Variants in CAMTA1 observed in about 807,000 individuals in gnomAD.
The protein encoded by CAMTA1 is calmodulin binding transcription activator 1.
A neutral mutation model predicts 170.9 loss-of-function variants in CAMTA1; 27 were observed. The ratio of observed to expected loss-of-function variants is 0.16; its 90% CI spans 0.12 to 0.22. The LOEUF (loss-of-function observed/expected upper bound fraction) is 0.22, where lower values mean the gene tolerates loss of function less well. Among genes scored for constraint, CAMTA1 ranks in the 10% least tolerant of loss-of-function variants. The probability of loss-of-function intolerance (pLI) is 1.00; values close to 1 mark genes in which losing one functional copy is unlikely to be tolerated. For synonymous variants in CAMTA1, 833 were observed against 891.5 expected (o/e 0.93, Z 1.17); for missense variants, 1,619 against 2,217.2 (o/e 0.73, Z 5.42).
chr1:7,091,501 G>A (rs1272193252), intron 4 of CAMTA1, 130 bp downstream of exon 4: 42 of 708,638 alleles, frequency 5.9e-5, no homozygotes, highest in South Asian at 2.4e-4. Context: ...GATGGCTTTC[G>A]ACACTGAGGT....
intron 5 of CAMTA1, among the ~76,000 whole-genome samples, chr1:7,374,489 C>T (rs1388019851): frequency 6.6e-6 from 1 of 152,216 alleles, no homozygotes; most frequent in African/African-American, 2.4e-5. Context: ...GGGCCGCCAA[C>T]AATGACAAAA....
rs941868757 is a variant in CAMTA1 at position 7,680,860 on chromosome 1, G to A, written c.2914+3127G>A. Among the ~76,000 whole-genome samples, 2 of 47,006 alleles carry A rather than the reference G, an allele frequency of 4.3e-5. No individual in the cohort carries two copies. The highest frequency in any genetic ancestry group is 2.6e-3 in the South Asian group (2 of 756). The allele number at this position is 47,006 out of a possible 152,430, so 30.8% of individuals were successfully genotyped here. ...AGAGAACACGCGCGCGCGCGCGCGC[G>A]CCAGCAGCAGCAGCAGCAGCAGCTG... is the stretch of plus-strand genomic sequence containing the variant. On this transcript the variant is annotated intron_variant, in intron 11 of 22. Coordinates refer to ENST00000303635, the MANE Select transcript of CAMTA1 (RefSeq NM_015215.4). This position sits in a 1 kb window ranked among gnomAD's most constrained non-coding sequence, Gnocchi z 4.4.
chr1:7,520,794 G>T (rs1454383679), intron 6 of CAMTA1, among the ~76,000 whole-genome samples: 1 of 152,124 alleles, frequency 6.6e-6, no homozygotes, highest in Non-Finnish European at 1.5e-5. Context: ...GTTGGTATTG[G>T]CTTCTTCCAG....
intron 6 of CAMTA1, among the ~76,000 whole-genome samples, chr1:7,535,343 C>G (rs888408391): frequency 6.6e-6 from 1 of 152,184 alleles, no homozygotes; most frequent in African/African-American, 2.4e-5. Flanking sequence ...GAGTGCCGCC[C>G]GCCTCCACCC....
At chr1:7,066,815 G>C (rs1488848937) in intron 3 of CAMTA1, among the ~76,000 whole-genome samples, 2 of 152,220 alleles carry the variant, frequency 1.3e-5, no homozygotes, top group Non-Finnish European at 2.9e-5. Flanking sequence ...CCAAGGGAAG[G>C]AAAGTTTTAC....
At chr1:6,798,877 T>G (rs1236226066) in intron 1 of CAMTA1, among the ~76,000 whole-genome samples, 2 of 151,876 alleles carry the variant, frequency 1.3e-5, no homozygotes, top group African/African-American at 4.8e-5. Flanking sequence ...ATTACAGACG[T>G]TAGCCTCCAC....
intron 3 of CAMTA1, among the ~76,000 whole-genome samples, chr1:6,947,267 CT>C (rs1312781601): frequency 1.3e-5 from 2 of 152,052 alleles, no homozygotes; most frequent in Non-Finnish European, 2.9e-5. Context: ...CTTCTTTTCG[CT>C]TTTTCAAAAT....
chr1:7,759,388 C>T (rs1001868932), intron 22 of CAMTA1, among the ~76,000 whole-genome samples: 2 of 152,082 alleles, frequency 1.3e-5, no homozygotes, highest in Admixed American at 1.3e-4. Context: ...GAAAAAGCAC[C>T]AAATATTTTT....
At chr1:7,618,022 A>G (rs1467650466) in intron 6 of CAMTA1, among the ~76,000 whole-genome samples, 2 of 152,174 alleles carry the variant, frequency 1.3e-5, no homozygotes, top group East Asian at 3.9e-4. Flanking sequence ...GAGCTCCTGA[A>G]TTACCCAGAT....
intron 4 of CAMTA1, among the ~76,000 whole-genome samples, chr1:7,148,432 C>A (rs1451608620): frequency 1.3e-5 from 2 of 151,980 alleles, no homozygotes; most frequent in Non-Finnish European, 2.9e-5. Context: ...CCCTCCCCCC[C>A]CGCCACGCTC....
rs1046556577 is a variant in CAMTA1 at position 7,633,931 on chromosome 1, C to T, written c.511-6469C>T. Among the ~76,000 whole-genome samples, 10 of 152,216 alleles carry T rather than the reference C, an allele frequency of 6.6e-5. No individual in the cohort carries two copies. The highest frequency in any genetic ancestry group is 3.9e-4 in the East Asian group (2 of 5,190). On this transcript the variant is annotated intron_variant, in intron 6 of 22. Coordinates refer to ENST00000303635, the MANE Select transcript of CAMTA1 (RefSeq NM_015215.4). The surrounding 1 kb of genome is among the most constrained non-coding windows in gnomAD (Gnocchi z 4.1). Reference sequence around the variant, plus strand: ...GACCTGGGACCAATGTGGCATGGAGCGTGGCAGCCAGAGACCACAGCCCAG... The same window carrying T: ...GACCTGGGACCAATGTGGCATGGAGTGTGGCAGCCAGAGACCACAGCCCAG...
intron 3 of CAMTA1, among the ~76,000 whole-genome samples, chr1:6,961,429 T>C (rs1690387922): frequency 1.3e-5 from 2 of 151,976 alleles, no homozygotes; most frequent in Non-Finnish European, 2.9e-5. Context: ...ATTGGGGTGC[T>C]GGTAAGACCT....
At chr1:6,838,222 A>G (rs1570714791) in intron 3 of CAMTA1, among the ~76,000 whole-genome samples, 1 of 152,216 alleles carries the variant, frequency 6.6e-6, no homozygotes, top group Non-Finnish European at 1.5e-5. Context: ...TGACAGCACC[A>G]AGCAGATCCA....
In CAMTA1 at chr1:7,768,823, A is replaced by G. The variant is rs751753943; in HGVS notation, c.*2332A>G. 6.6e-6 allele frequency: 1 copy of G among 152,514 alleles called. No homozygotes were observed. Among genetic ancestry groups the G allele is most frequent in the Non-Finnish European group, 1.5e-5 (1 of 68,018 alleles). 9.4% of individuals were successfully genotyped at this position (152,514 alleles called of 1,614,324 possible). A position where few individuals can be genotyped will look rare whatever the true frequency, so the allele number is the denominator to read the frequency against. On this transcript the variant is annotated 3_prime_UTR_variant, in exon 23 of 23. Coordinates refer to ENST00000303635, the MANE Select transcript of CAMTA1 (RefSeq NM_015215.4). ...TTTACACAATTTGACCTATAGGAGG[A>G]CACTGAGTAATTTACAAACACAACT...
intron 5 of CAMTA1, among the ~76,000 whole-genome samples, chr1:7,352,949 A>T (rs568190143): frequency 4.6e-5 from 7 of 152,192 alleles, no homozygotes; most frequent in Non-Finnish European, 7.3e-5. Flanking sequence ...GGATTAATGC[A>T]GTTAGGATGA....
intron 3 of CAMTA1, among the ~76,000 whole-genome samples, chr1:7,066,499 C>T (rs1417008013): frequency 6.6e-6 from 1 of 152,240 alleles, no homozygotes; most frequent in East Asian, 1.9e-4. Context: ...TCAAGATAAA[C>T]GTGCTTACAT....
At chr1:6,990,937 G>A (rs184578888) in intron 3 of CAMTA1, among the ~76,000 whole-genome samples, 1 of 152,052 alleles carries the variant, frequency 6.6e-6, no homozygotes, top group African/African-American at 2.4e-5. Flanking sequence ...TCAGTGCACT[G>A]GTGACCGGAG....
rs754008719 is a variant in CAMTA1 at position 7,751,268 on chromosome 1, C to CA, written c.4767dup (p.Phe1590IlefsTer19). 1.2e-6 allele frequency: 2 copies of CA among 1,610,790 alleles called. No individual in the cohort carries two copies. The highest frequency in any genetic ancestry group is 3.4e-5 in the Admixed American group (2 of 58,940). ...GAGCAAATTCCGAAGTTACTATGAA[C>CA]AAAAAAAATTCCAGCAGAGCCGACG... On this transcript the variant is annotated frameshift_variant, in exon 20 of 23. Coordinates refer to ENST00000303635, the MANE Select transcript of CAMTA1 (RefSeq NM_015215.4). LOFTEE classifies it high-confidence loss of function.
At chr1:7,290,239 G>A (rs1449107443) in intron 5 of CAMTA1, among the ~76,000 whole-genome samples, 1 of 152,218 alleles carries the variant, frequency 6.6e-6, no homozygotes, top group Non-Finnish European at 1.5e-5. Context: ...AGGAAACTCG[G>A]TTCTGCCTTT....
Sources: gnomAD v4.1 joint callset for allele counts (sites outside exome capture counted in the v4.1 genomes callset) on GRCh38, gnomAD v4.1.1 for gene constraint, Gnocchi (gnomAD v3.1) non-coding constraint, MANE v1.5 for transcripts, NCBI Gene and HGNC (gene_info 2026-07-23, HGNC 2026-07-21) for gene names.